SRSF7: variants seen among roughly 807,000 people sequenced by gnomAD.
SRSF7 encodes serine/arginine-rich splicing factor 7.
A neutral mutation model predicts 42.2 loss-of-function variants in SRSF7; 15 were observed. The ratio of observed to expected loss-of-function variants is 0.36; its 90% CI spans 0.24 to 0.55. The LOEUF is 0.55. SRSF7 is among the 20% of genes least tolerant of loss of function. The pLI is 0.88. For missense variants in SRSF7, 181 were observed against 305.9 expected (o/e 0.59, Z 3.04); for synonymous variants, 138 against 107.9 (o/e 1.28, Z -1.73).
In SRSF7 at chr2:38,751,341, C is replaced by T; in HGVS notation, c.-85G>A. The T allele has an allele frequency of 8.2e-6, 13 of 1,593,352 alleles. No homozygotes were observed. The East Asian group carries it at 1.1e-4, about 14-fold the overall frequency. On this transcript the variant is annotated 5_prime_UTR_variant, in exon 1 of 8. Coordinates refer to ENST00000313117, the MANE Select transcript of SRSF7 (RefSeq NM_001031684.3). Reference sequence around the variant, plus strand: ...AAAGCTGACACACACCTTCACCCGCCAAGAGTCCCGGCGGCACTACGAGGA... The same window carrying T: ...AAAGCTGACACACACCTTCACCCGCTAAGAGTCCCGGCGGCACTACGAGGA...
chr2:38,746,882 T>C, intron 5 of SRSF7, 135 bp from the exon 6 acceptor site: 1 of 1,421,798 alleles, frequency 7.0e-7, no homozygotes, highest in Non-Finnish European at 9.5e-7. Flanking sequence ...CCTTATTCTG[T>C]CTAACACACT....
At position 38,743,879 on chromosome 2, in the gene SRSF7, G is replaced by GT; in HGVS notation, c.*1253dup. ...AAATGCATAAAATGGACAAGCCTAGGTATCTGCGCAACCAGCAGGTTTTTT... is the reference window on the plus strand; with the variant it reads ...AAATGCATAAAATGGACAAGCCTAGGTTATCTGCGCAACCAGCAGGTTTTTT... On this transcript the variant is annotated 3_prime_UTR_variant, in exon 8 of 8. Transcript: ENST00000313117. 1 of 148,716 alleles carries GT rather than the reference G, an allele frequency of 6.7e-6. No individual in the cohort carries two copies. Among genetic ancestry groups the GT allele is most frequent in the African/African-American group, 2.5e-5 (1 of 40,014 alleles). 9.2% of individuals were successfully genotyped at this position (148,716 alleles called of 1,614,324 possible).
intron 7 of SRSF7, among the ~76,000 whole-genome samples, chr2:38,745,827 G>C (rs1667303820): frequency 6.6e-6 from 1 of 152,058 alleles, no homozygotes; most frequent in Non-Finnish European, 1.5e-5. Context: ...CTATTTCCAA[G>C]ACTTTTCTCC....
intron 5 of SRSF7, among the ~76,000 whole-genome samples, chr2:38,747,818 C>T (rs576298485): frequency 5.4e-4 from 83 of 152,302 alleles, no homozygotes; most frequent in Middle Eastern, 3.4e-3. Flanking sequence ...AACTGTATTG[C>T]TTGGGACCCT....
At chr2:38,751,445 G>T (rs926902877), upstream of SRSF7, 5 of 730,296 alleles carry the variant, frequency 6.8e-6, no homozygotes, top group East Asian at 2.8e-5. Context: ...CGGCACAAAG[G>T]AGCTGGGCGG....
At chr2:38,746,242 C>T in intron 6 of SRSF7, 63 bp from the exon 7 acceptor site, 1 of 1,570,124 alleles carries the variant, frequency 6.4e-7, no homozygotes. Context: ...CTTGTAGTCA[C>T]CAATACCGTA....
chr2:38,749,010 AT>A, intron 3 of SRSF7: 1 of 1,291,710 alleles, frequency 7.7e-7, no homozygotes. Flanking sequence ...TCTAACGACG[AT>A]CAAACTGACA....
At chr2:38,750,628 C>T (rs528623070) in intron 1 of SRSF7, among the ~76,000 whole-genome samples, 2 of 152,018 alleles carry the variant, frequency 1.3e-5, no homozygotes, top group Admixed American at 6.5e-5. Flanking sequence ...GCAAACGTCC[C>T]AGGCACAGGC....
chr2:38,747,746 G>A (rs915779553), intron 5 of SRSF7, among the ~76,000 whole-genome samples: 1 of 152,120 alleles, frequency 6.6e-6, no homozygotes, highest in Admixed American at 6.6e-5. Flanking sequence ...TTCAGAGCTA[G>A]TATCATCCAA....
At chr2:38,746,240 C>T in intron 6 of SRSF7, 61 bp from the exon 7 acceptor site, 2 of 1,575,132 alleles carry the variant, frequency 1.3e-6, no homozygotes, top group East Asian at 2.2e-5. Context: ...TTCTTGTAGT[C>T]ACCAATACCG....
chr2:38,749,486 T>A lies in SRSF7; in HGVS notation c.386+43A>T, dbSNP rs371928721. 5.2e-6 allele frequency: 8 copies of A among 1,545,274 alleles called. No homozygotes were observed. The African/African-American group carries it at 6.9e-5, about 13-fold the overall frequency. On this transcript the variant is annotated intron_variant, in intron 3 of 7. Coordinates refer to ENST00000313117, the MANE Select transcript of SRSF7 (RefSeq NM_001031684.3). ...CTGCCTTGCTAATAAAAGAATTACT[T>A]GATTAACTAGAATACCAACCATTCC...
intron 5 of SRSF7, among the ~76,000 whole-genome samples, chr2:38,747,586 T>G (rs886342302): frequency 6.6e-6 from 1 of 152,184 alleles, no homozygotes; most frequent in Non-Finnish European, 1.5e-5. Flanking sequence ...AAATCCACAT[T>G]CATTTCTGTG....
At chr2:38,751,120 G>A (rs1365584633) in intron 1 of SRSF7, 109 bp downstream of exon 1, 2 of 1,461,830 alleles carry the variant, frequency 1.4e-6, no homozygotes, top group Non-Finnish European at 1.9e-6. Flanking sequence ...CTCCTAAGCC[G>A]CCATTACGCA....
intron 5 of SRSF7, chr2:38,747,181 G>T (rs1247926437): frequency 2.3e-6 from 1 of 440,668 alleles, no homozygotes; most frequent in Non-Finnish European, 4.7e-6. Context: ...TAATTCAGGT[G>T]ATAAGGCCAG....
chr2:38,748,970 C>T, intron 3 of SRSF7: 1 of 1,296,902 alleles, frequency 7.7e-7, no homozygotes, highest in Non-Finnish European at 1.0e-6. Flanking sequence ...GTATCTATAG[C>T]CGATCGCTGC....
rs540775363 is a variant in SRSF7, at chr2:38,751,008, C to T, written c.28+221G>A. 147 of 568,988 alleles carry T rather than the reference C, an allele frequency of 2.6e-4. 4 individuals carry two copies. The South Asian group carries it at 2.8e-3, about 11-fold the overall frequency. 35.2% of individuals were successfully genotyped at this position (568,988 alleles called of 1,614,324 possible). ...AACCCTGCTTTAGGCTGGATTGGGC[C>T]ACAAAAATGCCCAAGAGTACGGAAC... is the stretch of plus-strand genomic sequence containing the variant. On this transcript the variant is annotated intron_variant, in intron 1 of 7. Coordinates refer to ENST00000313117, the MANE Select transcript of SRSF7 (RefSeq NM_001031684.3).
At chr2:38,747,956 G>T in intron 5 of SRSF7, 91 bp downstream of exon 5, 1 of 858,734 alleles carries the variant, frequency 1.2e-6, no homozygotes, top group Non-Finnish European at 1.8e-6. Context: ...AATATTCCCT[G>T]AAGCAATCCA....
chr2:38,751,375 G>A, upstream of SRSF7: 8 of 1,417,856 alleles, frequency 5.6e-6, no homozygotes, highest in Non-Finnish European at 7.9e-6. Context: ...GAAGAGCCCG[G>A]GTTCGCGTTT....
chr2:38,750,252 A>G, intron 1 of SRSF7, 58 bp from the exon 2 acceptor site: 1 of 1,521,582 alleles, frequency 6.6e-7, no homozygotes, highest in Non-Finnish European at 8.9e-7. Context: ...CCAAGTTTCA[A>G]TTACTTATTT....
Sources: allele counts gnomAD v4.1 joint callset (sites outside exome capture counted in the v4.1 genomes callset), GRCh38; gene constraint gnomAD v4.1.1; transcripts MANE v1.5; gene names NCBI Gene and HGNC (gene_info 2026-07-23, HGNC 2026-07-21).